FCGR2B: variants seen among roughly 807,000 people sequenced by gnomAD.
FCGR2B encodes the protein low affinity immunoglobulin gamma Fc region receptor II-b.
Under a neutral mutation model 24.8 loss-of-function variants are expected in FCGR2B, and 18 were observed. The observed-to-expected ratio is 0.73, with a 90% CI of 0.50 to 1.08. The LOEUF (loss-of-function observed/expected upper bound fraction) is 1.08, where lower values mean the gene tolerates loss of function less well. Ranked by LOEUF, FCGR2B falls within the 50% of genes least tolerant of loss-of-function variation. FCGR2B has a pLI of 0.00. For missense variants in FCGR2B, 215 were observed against 297.6 expected (o/e 0.72, Z 2.04); for synonymous variants, 79 against 109.8 (o/e 0.72, Z 1.75).
intron 3 of FCGR2B, 191 bp downstream of exon 3, chr1:161,671,840 A>C (rs1163928581): frequency 1.8e-6 from 2 of 1,110,318 alleles, no homozygotes; most frequent in East Asian, 2.6e-5. Context: ...AAGGCCAAAA[A>C]CAGGCAGCCA....
At chr1:161,675,554 C>T (rs138828614) in intron 6 of FCGR2B, 85 of 400,896 alleles carry the variant, frequency 2.1e-4, no homozygotes, top group East Asian at 1.9e-3. Context: ...GGGCTGTGTC[C>T]GAATTTCTGG....
At chr1:161,649,251 T>G in the FCGR2B span, among the ~76,000 whole-genome samples, 12,192 of 150,916 alleles carry the variant, frequency 0.081, 915 homozygotes, top group East Asian at 0.16. Flanking sequence ...GTAGAAGTGT[T>G]ATGAAACTCC....
chr1:161,647,742 T>C, the FCGR2B span, among the ~76,000 whole-genome samples: 1 of 150,976 alleles, frequency 6.6e-6, no homozygotes, highest in Non-Finnish European at 1.5e-5. Context: ...TCCACTTTTG[T>C]TTCAACAGAG....
At chr1:161,649,057 T>G in the FCGR2B span, among the ~76,000 whole-genome samples, 1 of 150,970 alleles carries the variant, frequency 6.6e-6, no homozygotes, top group Non-Finnish European at 1.5e-5. Context: ...AAGTTAATAA[T>G]GCATTCTACA....
At chr1:161,674,987 A>T (rs1218076057) in intron 5 of FCGR2B, 2 of 416,276 alleles carry the variant, frequency 4.8e-6, no homozygotes, top group African/African-American at 4.2e-5. Context: ...GGGTGTTTTT[A>T]AAAGGCAGAG....
chr1:161,647,554 C>A, the FCGR2B span, among the ~76,000 whole-genome samples: 1 of 150,406 alleles, frequency 6.6e-6, no homozygotes, highest in African/African-American at 2.5e-5. Flanking sequence ...CCCCCACCGC[C>A]TCGGCCTCCT....
At chr1:161,671,359 T>C in intron 2 of FCGR2B, 33 bp from the exon 3 acceptor site, 1 of 1,614,170 alleles carries the variant, frequency 6.2e-7, no homozygotes, top group South Asian at 1.1e-5. Flanking sequence ...GGGCTTCCTC[T>C]TCTTCATGCT....
rs940961456 is a variant in FCGR2B, at chr1:161,677,995, T to C, written c.*442T>C. ...GTGATAAAATTATTGATGATTTTTATTTTCTTTATTTTTCTATAAAGATCA... is the reference window on the plus strand; with the variant it reads ...GTGATAAAATTATTGATGATTTTTACTTTCTTTATTTTTCTATAAAGATCA... On this transcript the variant is annotated 3_prime_UTR_variant, in exon 8 of 8. Transcript: ENST00000358671. The C allele has an allele frequency of 3.6e-5, 8 of 220,872 alleles. No individual in the cohort carries two copies. Among genetic ancestry groups the C allele is most frequent in the Non-Finnish European group, 7.2e-5 (8 of 110,402 alleles). The allele number at this position is 220,872 out of a possible 1,614,324, so 13.7% of individuals were successfully genotyped here. A position where few individuals can be genotyped will look rare whatever the true frequency, so the allele number is the denominator to read the frequency against.
At chr1:161,651,941 GAAATAAAATA>G in the FCGR2B span, among the ~76,000 whole-genome samples, 17 of 105,380 alleles carry the variant, frequency 1.6e-4, no homozygotes, top group South Asian at 3.8e-4. Context: ...CTCAAAAACT[GAAATAAAATA>G]AAATAAAATA....
Position 161,671,528 on chromosome 1 carries a change from C to T in FCGR2B, c.270C>T (p.Leu90=), listed in dbSNP as rs2102660901. ...DSIQWFHNGN[L]IPTHTQPSYR... Reference sequence around the variant, plus strand: ...TTCAGTGGTTCCACAATGGGAATCTCATTCCCACCCACACGCAGCCCAGCT... The same window carrying T: ...TTCAGTGGTTCCACAATGGGAATCTTATTCCCACCCACACGCAGCCCAGCT... Residue 90 remains leucine (L), a synonymous_variant, in exon 3 of 8, where the codon CTC becomes CTT. Transcript: ENST00000358671. 1 of 1,614,188 alleles carries T rather than the reference C, an allele frequency of 6.2e-7. No individual in the cohort carries two copies. Among genetic ancestry groups the T allele is most frequent in the Non-Finnish European group, 8.5e-7 (1 of 1,180,038 alleles).
intron 6 of FCGR2B, 198 bp downstream of exon 6, chr1:161,675,511 G>A (rs557658238): frequency 3.6e-5 from 17 of 471,296 alleles, no homozygotes; most frequent in African/African-American, 3.5e-4. Flanking sequence ...CTGGAGATGA[G>A]AAGAGAAACA....
chr1:161,647,580 G>C, the FCGR2B span, among the ~76,000 whole-genome samples: 1 of 150,760 alleles, frequency 6.6e-6, no homozygotes, highest in South Asian at 2.1e-4. Flanking sequence ...GCTAGCATTA[G>C]AGGTGTGAGC....
rs1682273580 is a variant in FCGR2B, at chr1:161,677,812, C to A, written c.*259C>A. 2.1e-6 allele frequency: 1 copy of A among 471,132 alleles called. No homozygotes were observed. Among genetic ancestry groups the A allele is most frequent in the African/African-American group, 2.0e-5 (1 of 50,482 alleles). 29.2% of individuals were successfully genotyped at this position (471,132 alleles called of 1,614,324 possible). A position where few individuals can be genotyped will look rare whatever the true frequency, so the allele number is the denominator to read the frequency against. On this transcript the variant is annotated 3_prime_UTR_variant, in exon 8 of 8. Coordinates refer to ENST00000358671, the MANE Select transcript of FCGR2B (RefSeq NM_001394477.1). The stretch of plus-strand genomic sequence containing the variant: ...CTCTTCCGTTCCACATCCACACAGC[C>A]AATCCAATTAATCAAACCACTGTTA...
chr1:161,661,224 AAGAAAGAAAGAAAG>A (rs1318045998), upstream of FCGR2B, among the ~76,000 whole-genome samples: 6 of 77,996 alleles, frequency 7.7e-5, no homozygotes, highest in African/African-American at 2.6e-4. Context: ...GAAAGAAAGA[AAGAAAGAAAGAAAG>A]AAAGAAAGAA....
the FCGR2B span, among the ~76,000 whole-genome samples, chr1:161,654,187 G>A: frequency 0.045 from 5,414 of 121,238 alleles, 247 homozygotes; most frequent in Middle Eastern, 0.12. Flanking sequence ...TAAGAAGAAC[G>A]TGTGGGGCTG....
upstream of FCGR2B, among the ~76,000 whole-genome samples, chr1:161,658,800 T>G: frequency 6.7e-6 from 1 of 148,556 alleles, no homozygotes; most frequent in East Asian, 2.0e-4. Context: ...GGTCAGGATA[T>G]TAAGAGGAAG....
rs6665610 is a variant in FCGR2B at position 161,671,594 on chromosome 1, G to A, written c.336G>A (p.Thr112=). ...ACAACAATGACAGCGGGGAGTACAC[G>A]TGCCAGACTGGCCAGACCAGCCTCA... is the stretch of plus-strand genomic sequence containing the variant. ...KANNNDSGEY[T]CQTGQTSLSD... Residue 112 remains threonine, a synonymous_variant, in exon 3 of 8, where the codon ACG becomes ACA. Coordinates refer to ENST00000358671, the MANE Select transcript of FCGR2B (RefSeq NM_001394477.1). The A allele has an allele frequency of 0.18, 290,574 of 1,611,910 alleles. 27,013 individuals carry two copies. The highest frequency in any genetic ancestry group is 0.2 in the Non-Finnish European group (233,380 of 1,178,246).
At chr1:161,676,948 A>C (rs1682196907) in intron 6 of FCGR2B, 1 of 305,358 alleles carries the variant, frequency 3.3e-6, no homozygotes, top group Non-Finnish European at 6.1e-6. Flanking sequence ...CTCTCCCTGA[A>C]GTCTGTGGCC....
At chr1:161,652,531 T>C in the FCGR2B span, among the ~76,000 whole-genome samples, 7 of 134,984 alleles carry the variant, frequency 5.2e-5, 1 homozygote, top group African/African-American at 7.7e-5. Context: ...ACTAGAGCCT[T>C]TAACATGTTA....
Sources: gnomAD v4.1 joint callset for allele counts (sites outside exome capture counted in the v4.1 genomes callset) on GRCh38, gnomAD v4.1.1 for gene constraint, MANE v1.5 for transcripts, NCBI Gene and HGNC (gene_info 2026-07-23, HGNC 2026-07-21) for gene names.